The following CEMIP variants were observed in gnomAD, a reference collection of about 807,000 sequenced individuals.
CEMIP encodes the protein cell migration inducing hyaluronidase 1, also known as cell migration-inducing and hyaluronan-binding protein.
CEMIP carries 105 observed loss-of-function variants against 156.9 expected under a neutral mutation model. The observed-to-expected ratio is 0.67, with a 90% CI of 0.57 to 0.79. The LOEUF is 0.79. CEMIP is among the 30% of genes least tolerant of loss of function. CEMIP has a pLI of 0.00. For missense variants in CEMIP, 1,457 were observed against 1,769.4 expected, an observed-to-expected ratio of 0.82 and a Z score of 3.17; for synonymous variants, 676 against 668.4, an observed-to-expected ratio of 1.01 and a Z score of -0.17.
chr15:80,935,792 G>T (rs1009525764), intron 23 of CEMIP, among the ~76,000 whole-genome samples: 5 of 152,082 alleles, frequency 3.3e-5, no homozygotes, highest in African/African-American at 1.2e-4. Context: ...AGTGCAATGG[G>T]CAATGGCGTG....
chr15:80,840,389 C>T (rs895322970), intron 1 of CEMIP, among the ~76,000 whole-genome samples: 6 of 152,094 alleles, frequency 3.9e-5, no homozygotes, highest in African/African-American at 1.4e-4. Flanking sequence ...TGTCAGGACC[C>T]TCCTTCCTGG....
intron 3 of CEMIP, 22 bp from the exon 4 acceptor site, chr15:80,878,699 G>T: frequency 6.2e-7 from 1 of 1,614,066 alleles, no homozygotes; most frequent in South Asian, 1.1e-5. Context: ...TGGGAGCAGT[G>T]ACATCTCTCT....
chr15:80,850,636 T>C (rs921306452), intron 1 of CEMIP, among the ~76,000 whole-genome samples: 1 of 152,130 alleles, frequency 6.6e-6, no homozygotes, highest in African/African-American at 2.4e-5. Context: ...GGAGAAGCCA[T>C]GTTGTCAGGG....
At position 80,942,038 on chromosome 15, in the gene CEMIP, C is replaced by A; in HGVS notation, c.3597C>A (p.Leu1199=). The part of the protein sequence containing the change: ...AVVDVPMPKK[L]FGSQLKTKDH... ...TAGACGTGCCGATGCCCAAGAAGCT[C>A]TTTGGTTCTCAGCTGGTGAGTGGCT... The change falls in exon 26 of 30, where the codon CTC becomes CTA. Residue 1199 remains leucine, a synonymous_variant. Coordinates refer to ENST00000394685, the MANE Select transcript of CEMIP (RefSeq NM_001293298.2). 6.2e-7 allele frequency: 1 copy of A among 1,613,590 alleles called. No individual in the cohort carries two copies. The highest frequency in any genetic ancestry group is 8.5e-7 in the Non-Finnish European group (1 of 1,179,774).
intron 14 of CEMIP, among the ~76,000 whole-genome samples, chr15:80,912,304 C>A (rs1900101543): frequency 1.3e-5 from 2 of 152,220 alleles, no homozygotes; most frequent in South Asian, 4.1e-4. Context: ...ACTCTTGTAG[C>A]CAGAGCTGTG....
chr15:80,844,143 G>GC (rs1285887075), intron 1 of CEMIP, among the ~76,000 whole-genome samples: 1 of 152,242 alleles, frequency 6.6e-6, no homozygotes, highest in Non-Finnish European at 1.5e-5. Flanking sequence ...GGTCCACACA[G>GC]CCCCGGGCCA....
chr15:80,913,172 G>C (rs1009060279), intron 14 of CEMIP, among the ~76,000 whole-genome samples: 3 of 152,088 alleles, frequency 2.0e-5, no homozygotes, highest in Non-Finnish European at 4.4e-5. Flanking sequence ...TCAGAGGACA[G>C]CTTCCCTCAT....
chr15:80,845,746 C>T (rs1389746358), intron 1 of CEMIP, among the ~76,000 whole-genome samples: 1 of 152,150 alleles, frequency 6.6e-6, no homozygotes, highest in Non-Finnish European at 1.5e-5. Flanking sequence ...ATGGAGTGGG[C>T]AGGCCATAAC....
chr15:80,787,830 C>G (rs920536472), intron 1 of CEMIP, among the ~76,000 whole-genome samples: 1 of 152,188 alleles, frequency 6.6e-6, no homozygotes, highest in African/African-American at 2.4e-5. Context: ...TCTCCAGCTT[C>G]CAGAGGAGGC....
At chr15:80,916,747 A>G (rs1900286445) in intron 14 of CEMIP, among the ~76,000 whole-genome samples, 1 of 151,644 alleles carries the variant, frequency 6.6e-6, no homozygotes, top group Non-Finnish European at 1.5e-5. Flanking sequence ...ACACAGGGAC[A>G]CTTAGGCAAG....
At chr15:80,799,669 C>G (rs1018672363) in intron 1 of CEMIP, among the ~76,000 whole-genome samples, 6 of 152,158 alleles carry the variant, frequency 3.9e-5, no homozygotes, top group African/African-American at 1.4e-4. Flanking sequence ...TGGAATCAAT[C>G]TAAGTGTCCA....
Position 80,906,741 on chromosome 15 carries a change from ACAT to A in CEMIP, c.1494_1496del (p.Ile499del). 1 of 1,614,206 alleles carries A rather than the reference ACAT, an allele frequency of 6.2e-7. No individual in the cohort carries two copies. Among genetic ancestry groups the A allele is most frequent in the Non-Finnish European group, 8.5e-7 (1 of 1,180,036 alleles). On this transcript the variant is annotated inframe_deletion, in exon 13 of 30. Transcript: ENST00000394685. This position sits in a 1 kb window ranked among gnomAD's most constrained non-coding sequence, Gnocchi z 4.3. ...GCGGAGGTTGGGCTTCTGAGCCGGA[ACAT>A]CATAGTGATGGGGGAGATGGAGGAC...
chr15:80,884,350 T>A lies in CEMIP; in HGVS notation c.793T>A (p.Phe265Ile). 6.2e-7 allele frequency: 1 copy of A among 1,614,124 alleles called. No individual in the cohort carries two copies. Among genetic ancestry groups the A allele is most frequent in the Non-Finnish European group, 8.5e-7 (1 of 1,180,012 alleles). The change falls in exon 7 of 30, where the codon TTT becomes ATT. Residue 265 changes from phenylalanine to isoleucine, a missense_variant. Around this residue, in one of 5 missense-constraint regions of CEMIP, gnomAD observed 309 missense variants for 340.8 expected, o/e 0.91. Transcript: ENST00000394685. The stretch of plus-strand genomic sequence containing the variant: ...AAGCAAACACTTCCTGCACCTTGGA[T>A]TTAGGTACTGCCCCTCACTTCGGCT... ...LGSKHFLHLG[F>I]RHPWSFLTVK...
At chr15:80,910,468 A>C (rs369834868) in intron 14 of CEMIP, among the ~76,000 whole-genome samples, 29 of 152,374 alleles carry the variant, frequency 1.9e-4, no homozygotes, top group African/African-American at 3.6e-4. Context: ...GCCAACAGGC[A>C]TATGGTTATG....
chr15:80,883,763 A>C (rs1001068793), intron 6 of CEMIP, among the ~76,000 whole-genome samples: 8 of 152,188 alleles, frequency 5.3e-5, no homozygotes, highest in Non-Finnish European at 4.4e-5. Flanking sequence ...AGAGATATAA[A>C]TTCCTAATGC....
intron 5 of CEMIP, 89 bp downstream of exon 5, chr15:80,879,943 A>T: frequency 4.2e-6 from 6 of 1,430,034 alleles, no homozygotes; most frequent in Non-Finnish European, 5.9e-6. Context: ...CAAGAGGGCA[A>T]GCTTGCCTGT....
At position 80,880,980 on chromosome 15, in the gene CEMIP, A is replaced by G. The variant is rs960301233; in HGVS notation, c.461A>G (p.His154Arg). ...GGTAAAGGAGGCGCTCTTGAGTTGC[A>G]TGGACAGAAAAAGCTCTCCTGGACA... ...GVGKGGALELHGQKKLSWTFL... is the reference protein window; with the variant it reads ...GVGKGGALELRGQKKLSWTFL... The change falls in exon 6 of 30, where the codon CAT becomes CGT. Residue 154 changes from histidine to arginine, a missense_variant. This residue lies in a region of CEMIP where 309 missense variants were observed against 340.8 expected (regional missense o/e 0.91). Transcript: ENST00000394685. 1 of 1,614,202 alleles carries G rather than the reference A, an allele frequency of 6.2e-7. No individual in the cohort carries two copies. Among genetic ancestry groups the G allele is most frequent in the African/African-American group, 1.3e-5 (1 of 75,042 alleles).
chr15:80,932,633 C>T lies in CEMIP; in HGVS notation c.2793+594C>T, dbSNP rs552503847. ...GACTTTTCCCTCCTTCTCCTCCCTG[C>T]TCCTGCCTTTTGCCTGTTTGCCCAG... On this transcript the variant is annotated intron_variant, in intron 22 of 29. Coordinates refer to ENST00000394685, the MANE Select transcript of CEMIP (RefSeq NM_001293298.2). The surrounding 1 kb of genome is among the most constrained non-coding windows in gnomAD (Gnocchi z 4.5). Among the ~76,000 whole-genome samples, 36 of 152,308 alleles carry T rather than the reference C, an allele frequency of 2.4e-4. No homozygotes were observed. The highest frequency in any genetic ancestry group is 4.6e-4 in the Non-Finnish European group (31 of 68,024).
intron 12 of CEMIP, chr15:80,897,162 A>C (rs574496279): frequency 5.0e-6 from 2 of 399,412 alleles, no homozygotes; most frequent in South Asian, 3.7e-5. Flanking sequence ...TAAACGTATC[A>C]CATGCTACAG....
Sources: allele counts gnomAD v4.1 joint callset (sites outside exome capture counted in the v4.1 genomes callset), GRCh38; gene constraint gnomAD v4.1.1; regional missense constraint gnomAD v4.1.1; non-coding constraint Gnocchi (gnomAD v3.1); transcripts MANE v1.5; gene names NCBI Gene and HGNC (gene_info 2026-07-23, HGNC 2026-07-21).